The following CDR2L variants were observed in gnomAD, a reference collection of about 807,000 sequenced individuals.
CDR2L encodes cerebellar degeneration related protein 2 like.
CDR2L carries 19 observed loss-of-function variants against 36.1 expected under a neutral mutation model. That is an observed-to-expected ratio of 0.53 (90% confidence interval 0.37 to 0.77). CDR2L has a LOEUF of 0.77. CDR2L is among the 30% of genes least tolerant of loss of function. The pLI is 0.00. For missense variants in CDR2L, 575 were observed against 627.2 expected (o/e 0.92, Z 0.89); for synonymous variants, 285 against 280.4 (o/e 1.02, Z -0.16).
At chr17:74,992,873 C>T (rs1255835629) in intron 1 of CDR2L, among the ~76,000 whole-genome samples, 1 of 152,218 alleles carries the variant, frequency 6.6e-6, no homozygotes, top group Non-Finnish European at 1.5e-5. Context: ...AGCCCAGACA[C>T]TAACCTGGAA....
At chr17:74,997,066 TTCTTTCTTTCTTTCTTTC>T (rs1338874880) in intron 1 of CDR2L, among the ~76,000 whole-genome samples, 51,348 of 79,350 alleles carry the variant, frequency 0.65, 14,202 homozygotes, top group East Asian at 0.82. Context: ...CTTTCTTTCT[TTCTTTCTTTCTTTCTTTC>T]TTTTTTTTTT....
At position 75,002,047 on chromosome 17, in the gene CDR2L, C is replaced by A; in HGVS notation, c.342-17C>A. 6.4e-7 allele frequency: 1 copy of A among 1,552,422 alleles called. No homozygotes were observed. Among genetic ancestry groups the A allele is most frequent in the South Asian group, 1.2e-5 (1 of 81,756 alleles). ...CATCCCCTTAAAGTCCCTGTGTGTC[C>A]ACCACCCCGCCCCCAGGCTGACGGA... On this transcript the variant is annotated splice_polypyrimidine_tract_variant and intron_variant, in intron 3 of 4. Transcript: ENST00000337231. The surrounding 1 kb of genome is among the most constrained non-coding windows in gnomAD (Gnocchi z 4.1).
chr17:74,990,161 T>C (rs950272919), intron 1 of CDR2L, among the ~76,000 whole-genome samples: 4 of 152,130 alleles, frequency 2.6e-5, no homozygotes, highest in African/African-American at 9.7e-5. Flanking sequence ...TGCGCAGAGA[T>C]GTGCAGCTTC....
At chr17:74,988,965 G>T (rs1174741447) in intron 1 of CDR2L, among the ~76,000 whole-genome samples, 1 of 152,014 alleles carries the variant, frequency 6.6e-6, no homozygotes, top group Admixed American at 6.5e-5. Context: ...TGCTGGAGTG[G>T]AGTCAGTTCT....
In CDR2L at chr17:74,989,322, TG is replaced by T. The variant is rs1567972541; in HGVS notation, c.79+1204del. On this transcript the variant is annotated intron_variant, in intron 1 of 4. Transcript: ENST00000337231. This position sits in a 1 kb window ranked among gnomAD's most constrained non-coding sequence, Gnocchi z 4.2. ...AGCCTCAGGGGGACCAGGGTGGGAC[TG>T]GGGATGCTGGACTAGGCCCTGCCAT... Among the ~76,000 whole-genome samples the T allele has an allele frequency of 6.6e-6, 1 of 151,980 alleles. No individual in the cohort carries two copies. Among genetic ancestry groups the T allele is most frequent in the Non-Finnish European group, 1.5e-5 (1 of 67,996 alleles).
intron 1 of CDR2L, among the ~76,000 whole-genome samples, chr17:74,997,935 A>G (rs2039840793): frequency 6.7e-6 from 1 of 149,618 alleles, no homozygotes; most frequent in African/African-American, 2.5e-5. Flanking sequence ...AAAAAAAAAA[A>G]AAGTACCGGG....
rs115922564 is a variant in CDR2L, at chr17:75,002,824, C to G, written c.507-359C>G. 6.6e-6 allele frequency among the ~76,000 whole-genome samples: 1 copy of G among 152,276 alleles called. No individual in the cohort carries two copies. Among genetic ancestry groups the G allele is most frequent in the African/African-American group, 2.4e-5 (1 of 41,550 alleles). ...CGCAAGGGGGAAGGGAGGTTACCGG[C>G]ACCTGGAAGGTATGGAGAAGGCTGC... On this transcript the variant is annotated intron_variant, in intron 4 of 4. Coordinates refer to ENST00000337231, the MANE Select transcript of CDR2L (RefSeq NM_014603.3). The surrounding 1 kb of genome is among the most constrained non-coding windows in gnomAD (Gnocchi z 4.1).
rs1038900377 is a variant in CDR2L, at chr17:75,002,183, C to T, written c.461C>T (p.Thr154Ile). The change falls in exon 4 of 5, where the codon ACC becomes ATC. Residue 154 changes from threonine (T) to isoleucine (I), a missense_variant. Transcript: ENST00000337231. This position sits in a 1 kb window ranked among gnomAD's most constrained non-coding sequence, Gnocchi z 4.1. ...CGGGAGAAGCGGGAACGCAGGCGTACCATCCACACCTTCCCCTGCCTCAAG... is the reference window on the plus strand; with the variant it reads ...CGGGAGAAGCGGGAACGCAGGCGTATCATCCACACCTTCCCCTGCCTCAAG... ...VLREKRERRRTIHTFPCLKEL... is the reference protein window; with the variant it reads ...VLREKRERRRIIHTFPCLKEL... 2 of 1,609,506 alleles carry T rather than the reference C, an allele frequency of 1.2e-6. No homozygotes were observed. The highest frequency in any genetic ancestry group is 1.7e-6 in the Non-Finnish European group (2 of 1,178,166).
chr17:75,001,265 G>T, intron 2 of CDR2L, 76 bp from the exon 3 acceptor site: 2 of 1,384,556 alleles, frequency 1.4e-6, no homozygotes, highest in Non-Finnish European at 1.9e-6. Flanking sequence ...GACAAAAAAA[G>T]AAGTAGGAGG....
intron 1 of CDR2L, among the ~76,000 whole-genome samples, chr17:74,995,075 A>C (rs1282286991): frequency 1.3e-5 from 2 of 151,880 alleles, no homozygotes; most frequent in Non-Finnish European, 2.9e-5. Context: ...GTCTCAAAAA[A>C]AAAAAAAAAA....
rs2039890839 is a variant in CDR2L at position 75,004,369 on chromosome 17, C to T, written c.*295C>T. On this transcript the variant is annotated 3_prime_UTR_variant, in exon 5 of 5. Transcript: ENST00000337231. ...TCCCCCAGCCCCTGGCTTCCTGACCCTGCGCCTCACCCTCAGACTGGTGAC... is the reference window on the plus strand; with the variant it reads ...TCCCCCAGCCCCTGGCTTCCTGACCTTGCGCCTCACCCTCAGACTGGTGAC... 1 of 353,532 alleles carries T rather than the reference C, an allele frequency of 2.8e-6. No individual in the cohort carries two copies. The allele number at this position is 353,532 out of a possible 1,614,324, so 21.9% of individuals were successfully genotyped here. A position where few individuals can be genotyped will look rare whatever the true frequency, so the allele number is the denominator to read the frequency against.
chr17:75,002,299 GGGTGCAGTT>G lies in CDR2L; in HGVS notation c.506+78_506+86del, dbSNP rs2039872308. On this transcript the variant is annotated intron_variant, in intron 4 of 4. Coordinates refer to ENST00000337231, the MANE Select transcript of CDR2L (RefSeq NM_014603.3). The surrounding 1 kb of genome is among the most constrained non-coding windows in gnomAD (Gnocchi z 4.1). ...GAGGAAGGAGAGGCAGCAGGCAGCA[GGGTGCAGTT>G]GGTGCATCATCCAGGCCATCAGAGA... 6 of 1,383,044 alleles carry G rather than the reference GGGTGCAGTT, an allele frequency of 4.3e-6. No individual in the cohort carries two copies. Among genetic ancestry groups the G allele is most frequent in the African/African-American group, 1.4e-5 (1 of 69,586 alleles). The allele number at this position is 1,383,044 out of a possible 1,614,324, so 85.7% of individuals were successfully genotyped here. A position where few individuals can be genotyped will look rare whatever the true frequency, so the allele number is the denominator to read the frequency against.
chr17:74,995,247 G>C (rs2039818354), intron 1 of CDR2L, among the ~76,000 whole-genome samples: 1 of 148,550 alleles, frequency 6.7e-6, no homozygotes, highest in African/African-American at 2.5e-5. Flanking sequence ...GTCTCACTCT[G>C]TCACCCAAGC....
In CDR2L at chr17:74,988,093, C is replaced by G. The variant is rs1462165361; in HGVS notation, c.50C>G (p.Ser17Cys). The change falls in exon 1 of 5, where the codon TCC (serine) becomes TGC (cysteine). Residue 17 changes from serine (S) to cysteine (C), a missense_variant. Transcript: ENST00000337231. The stretch of plus-strand genomic sequence containing the variant: ...GACTTCTCCGCGGAGGAAGAGGAGT[C>G]CTGGTACGACCAGCAGGACCTGGAG... ...MEDFSAEEEE[S>C]WYDQQDLEQD... The G allele has an allele frequency of 6.5e-7, 1 of 1,533,406 alleles. No individual in the cohort carries two copies. The highest frequency in any genetic ancestry group is 8.8e-7 in the Non-Finnish European group (1 of 1,141,122). 95.0% of individuals were successfully genotyped at this position (1,533,406 alleles called of 1,614,324 possible).
In CDR2L at chr17:75,002,201, G is replaced by A. The variant is rs149840663; in HGVS notation, c.479G>A (p.Cys160Tyr). 4.4e-5 allele frequency: 71 copies of A among 1,609,800 alleles called. No homozygotes were observed. Among genetic ancestry groups the A allele is most frequent in the Admixed American group, 1.0e-4 (6 of 59,476 alleles). Reference sequence around the variant, plus strand: ...AGGCGTACCATCCACACCTTCCCCTGCCTCAAGGAGCTGTGCACCAGCCCC... The same window carrying A: ...AGGCGTACCATCCACACCTTCCCCTACCTCAAGGAGCTGTGCACCAGCCCC... ...ERRRTIHTFPCLKELCTSPRC... is the reference protein window; with the variant it reads ...ERRRTIHTFPYLKELCTSPRC... Residue 160 changes from cysteine to tyrosine, a missense_variant, in exon 4 of 5, where the codon TGC becomes TAC. Cys to Tyr is a radical substitution (Grantham distance 194). Transcript: ENST00000337231. The surrounding 1 kb of genome is among the most constrained non-coding windows in gnomAD (Gnocchi z 4.1).
intron 1 of CDR2L, among the ~76,000 whole-genome samples, chr17:74,992,252 G>A (rs2039801429): frequency 1.3e-5 from 2 of 152,122 alleles, no homozygotes; most frequent in African/African-American, 4.8e-5. Context: ...TTCCTCCTCA[G>A]GCCTCTGGGG....
Position 74,988,025 on chromosome 17 carries a change from G to T in CDR2L, c.-19G>T. On this transcript the variant is annotated 5_prime_UTR_variant, in exon 1 of 5. Transcript: ENST00000337231. The stretch of plus-strand genomic sequence containing the variant: ...CCTGAGCTGCGCCGCCGCAGCACCC[G>T]CCCGCCGCCCGCGGGGCCATGCGGA... 1 of 1,503,870 alleles carries T rather than the reference G, an allele frequency of 6.6e-7. No individual in the cohort carries two copies. The highest frequency in any genetic ancestry group is 2.8e-5 in the East Asian group (1 of 35,450). The allele number at this position is 1,503,870 out of a possible 1,614,324, so 93.2% of individuals were successfully genotyped here.
intron 1 of CDR2L, among the ~76,000 whole-genome samples, chr17:74,991,042 G>A (rs1350230617): frequency 2.0e-5 from 3 of 152,224 alleles, no homozygotes; most frequent in African/African-American, 4.8e-5. Context: ...GAAAGCAGCC[G>A]TGGGACAAGT....
chr17:74,998,234 A>C (rs2039842966), intron 1 of CDR2L, among the ~76,000 whole-genome samples: 2 of 152,074 alleles, frequency 1.3e-5, no homozygotes, highest in Admixed American at 1.3e-4. Context: ...TCAAAAAAAA[A>C]ACATTGTACT....
Sources: allele counts gnomAD v4.1 joint callset (sites outside exome capture counted in the v4.1 genomes callset), GRCh38; gene constraint gnomAD v4.1.1; non-coding constraint Gnocchi (gnomAD v3.1); transcripts MANE v1.5; gene names NCBI Gene and HGNC (gene_info 2026-07-23, HGNC 2026-07-21).